L3MBTL4: variants seen among roughly 807,000 people sequenced by gnomAD.
The protein encoded by L3MBTL4 is L3MBTL histone methyl-lysine binding protein 4.
Under a neutral mutation model 84.5 loss-of-function variants are expected in L3MBTL4, and 70 were observed. The observed-to-expected ratio is 0.83, with a 90% CI of 0.68 to 1.01. The LOEUF (loss-of-function observed/expected upper bound fraction) is 1.01. Ranked by LOEUF, L3MBTL4 falls within the 50% of genes least tolerant of loss-of-function variation. The pLI, the probability that L3MBTL4 is intolerant of heterozygous loss-of-function variation, is 0.00. For missense variants in L3MBTL4, 715 were observed against 754.8 expected, an observed-to-expected ratio of 0.95 and a Z score of 0.62; for synonymous variants, 274 against 259.8, an observed-to-expected ratio of 1.05 and a Z score of -0.52.
At chr18:6,366,292 T>A (rs988902932) in intron 1 of L3MBTL4, among the ~76,000 whole-genome samples, 1 of 152,204 alleles carries the variant, frequency 6.6e-6, no homozygotes, top group African/African-American at 2.4e-5. Context: ...TTAAACAACA[T>A]TGCAACATGC....
At chr18:6,351,080 C>T (rs113844879) in intron 1 of L3MBTL4, among the ~76,000 whole-genome samples, 2,926 of 152,140 alleles carry the variant, frequency 0.019, 87 homozygotes, top group African/African-American at 0.067. Context: ...CCTGTAATCC[C>T]AGCTACTCAA....
chr18:6,217,992 C>CTGA (rs1340004393), intron 10 of L3MBTL4, among the ~76,000 whole-genome samples: 1 of 152,106 alleles, frequency 6.6e-6, no homozygotes, highest in Non-Finnish European at 1.5e-5. Flanking sequence ...TTTCTGTAAA[C>CTGA]ATGTTTTAAG....
rs1294564006 is a variant in L3MBTL4, at chr18:6,171,551, T to A, written c.1096+277A>T. ...ATGACCAAAATTAGATGGATTTAGA[T>A]GTGCTAGCTCAGTTTTCCAAACTCA... On this transcript the variant is annotated intron_variant, in intron 13 of 18. Coordinates refer to ENST00000317931, the MANE Select transcript of L3MBTL4 (RefSeq NM_001330559.2). 4.6e-5 allele frequency among the ~76,000 whole-genome samples: 7 copies of A among 152,244 alleles called. No homozygotes were observed. In the South Asian group the frequency reaches 1.2e-3, roughly 27 times the overall value.
intron 1 of L3MBTL4, chr18:6,367,564 CA>C (rs2144124493): frequency 6.6e-6 from 1 of 152,418 alleles, no homozygotes; most frequent in East Asian, 1.9e-4. Flanking sequence ...CACCTGCTCT[CA>C]AAAGCTGGGG....
At chr18:6,003,046 A>G (rs928477898) in intron 16 of L3MBTL4, among the ~76,000 whole-genome samples, 1 of 116,698 alleles carries the variant, frequency 8.6e-6, no homozygotes, top group Non-Finnish European at 1.7e-5. Context: ...TAGAGATACT[A>G]TATAAAATAT....
chr18:6,336,289 T>A, intron 1 of L3MBTL4, among the ~76,000 whole-genome samples: 1 of 151,900 alleles, frequency 6.6e-6, no homozygotes. Flanking sequence ...AATCTGTCAA[T>A]ATATGACATT....
In L3MBTL4 at chr18:5,989,345, G is replaced by A. The variant is rs377318167; in HGVS notation, c.1445-19783C>T. On this transcript the variant is annotated intron_variant, in intron 16 of 18. Transcript: ENST00000317931. Reference sequence around the variant, plus strand: ...AACTAGCACAATATCCTGAAAAAAGGCATAAATAAAAAAATATTGGCAGAA... The same window carrying A: ...AACTAGCACAATATCCTGAAAAAAGACATAAATAAAAAAATATTGGCAGAA... 1.3e-3 allele frequency among the ~76,000 whole-genome samples: 199 copies of A among 152,234 alleles called. 6 individuals carry two copies. In the South Asian group the frequency reaches 0.038, roughly 29 times the overall value.
intron 1 of L3MBTL4, among the ~76,000 whole-genome samples, chr18:6,339,176 T>C (rs2052487556): frequency 6.6e-6 from 1 of 152,150 alleles, no homozygotes; most frequent in Admixed American, 6.5e-5. Flanking sequence ...TATACAACAC[T>C]GCACCAACAA....
chr18:6,317,927 A>G (rs2051192597), intron 1 of L3MBTL4, among the ~76,000 whole-genome samples: 1 of 152,210 alleles, frequency 6.6e-6, no homozygotes, highest in Admixed American at 6.5e-5. Flanking sequence ...CTTAAAAGCC[A>G]GAAGGAATTG....
chr18:6,190,790 C>A (rs986678516), intron 12 of L3MBTL4, among the ~76,000 whole-genome samples: 2 of 152,016 alleles, frequency 1.3e-5, no homozygotes, highest in African/African-American at 4.8e-5. Flanking sequence ...CCAGGAGAGT[C>A]TTGCTGAAAT....
intron 16 of L3MBTL4, among the ~76,000 whole-genome samples, chr18:5,989,925 G>A (rs957882886): frequency 4.6e-5 from 7 of 152,226 alleles, no homozygotes; most frequent in East Asian, 1.9e-4. Flanking sequence ...GGGTGAGAGC[G>A]TGAGGGCACA....
At chr18:5,992,321 G>T (rs1274777897) in intron 16 of L3MBTL4, among the ~76,000 whole-genome samples, 1 of 152,128 alleles carries the variant, frequency 6.6e-6, no homozygotes, top group East Asian at 1.9e-4. Flanking sequence ...GGTTATGGGG[G>T]CCTGGGCCAC....
intron 15 of L3MBTL4, among the ~76,000 whole-genome samples, chr18:6,082,163 G>T (rs552523351): frequency 4.2e-4 from 64 of 152,204 alleles, no homozygotes; most frequent in African/African-American, 1.4e-3. Context: ...GGGTTGTTCA[G>T]AGCAACTAGT....
intron 3 of L3MBTL4, among the ~76,000 whole-genome samples, chr18:6,309,981 G>A (rs1434284221): frequency 2.0e-5 from 3 of 152,184 alleles, no homozygotes; most frequent in Non-Finnish European, 4.4e-5. Context: ...GAATCACCTG[G>A]ATTGTTAAAA....
At chr18:5,974,600 C>T (rs1311609573) in intron 16 of L3MBTL4, among the ~76,000 whole-genome samples, 1 of 152,160 alleles carries the variant, frequency 6.6e-6, no homozygotes, top group East Asian at 1.9e-4. Context: ...GGCTGCCTTT[C>T]CAGTGAAACG....
intron 16 of L3MBTL4, among the ~76,000 whole-genome samples, chr18:6,019,559 C>A (rs895844200): frequency 1.3e-5 from 2 of 152,160 alleles, no homozygotes; most frequent in Admixed American, 1.3e-4. Context: ...GATAAAATAG[C>A]TACTATCTAC....
At chr18:6,157,968 C>T (rs1651771024) in intron 13 of L3MBTL4, among the ~76,000 whole-genome samples, 2 of 152,228 alleles carry the variant, frequency 1.3e-5, no homozygotes, top group African/African-American at 4.8e-5. Context: ...TTATTCTTGG[C>T]CTGTGTCTCT....
intron 16 of L3MBTL4, among the ~76,000 whole-genome samples, chr18:6,077,109 G>A (rs568276546): frequency 1.7e-4 from 26 of 152,324 alleles, no homozygotes; most frequent in African/African-American, 4.3e-4. Context: ...GCCCAGCTCC[G>A]TCCTGGAGAA....
intron 1 of L3MBTL4, among the ~76,000 whole-genome samples, chr18:6,389,550 A>C (rs1490890523): frequency 1.3e-5 from 2 of 152,202 alleles, no homozygotes; most frequent in Non-Finnish European, 2.9e-5. Context: ...TGCTGTCTTT[A>C]AGAGACCCAT....
Sources: gnomAD v4.1 joint callset for allele counts (sites outside exome capture counted in the v4.1 genomes callset) on GRCh38, gnomAD v4.1.1 for gene constraint, MANE v1.5 for transcripts, NCBI Gene and HGNC (gene_info 2026-07-23, HGNC 2026-07-21) for gene names.